The following MYRFL variants were observed in gnomAD, a reference collection of about 807,000 sequenced individuals.
The protein encoded by MYRFL is myelin regulatory factor-like protein.
A neutral mutation model predicts 109.4 loss-of-function variants in MYRFL; 88 were observed. The ratio of observed to expected loss-of-function variants is 0.80; its 90% CI spans 0.68 to 0.96. The LOEUF is 0.96. Ranked by LOEUF, MYRFL falls within the 40% of genes least tolerant of loss-of-function variation. The pLI is 0.00. For missense variants in MYRFL, 957 were observed against 954.9 expected (o/e 1.00, Z -0.03); for synonymous variants, 324 against 320.9 (o/e 1.01, Z -0.10).
intron 2 of MYRFL, among the ~76,000 whole-genome samples, chr12:69,877,357 C>G (rs954913387): frequency 6.6e-6 from 1 of 152,130 alleles, no homozygotes; most frequent in Non-Finnish European, 1.5e-5. Context: ...TCAACCAATC[C>G]TTTTGTTTTC....
intron 6 of MYRFL, among the ~76,000 whole-genome samples, chr12:69,888,093 C>A (rs930213592): frequency 5.3e-5 from 8 of 152,192 alleles, no homozygotes; most frequent in Non-Finnish European, 1.0e-4. Context: ...TAAGTGTTAT[C>A]CCTCTTCTTA....
At chr12:69,901,903 A>ATTTTTTTTTTTT (rs1203678206) in intron 10 of MYRFL, among the ~76,000 whole-genome samples, 5 of 137,580 alleles carry the variant, frequency 3.6e-5, no homozygotes, top group South Asian at 2.3e-4. Flanking sequence ...GTTTTTTTTA[A>ATTTTTTTTTTTT]ATTTTCTTGA....
rs1489190181 is a variant in MYRFL at position 69,926,729 on chromosome 12, A to C, written c.1761A>C (p.Thr587=). ...AGTCATCAGCCAGTGAAGCAAGCAC[A>C]ATCAGGTACGTGCAGCCAGGATTGC... ...SWKSSASEAS[T]ISKSSRAVSA... Residue 587 remains threonine, a synonymous_variant, in exon 14 of 25, where the codon ACA becomes ACC. Coordinates refer to ENST00000552032, the MANE Select transcript of MYRFL (RefSeq NM_182530.3). The C allele has an allele frequency of 6.7e-7, 1 of 1,488,384 alleles. No individual in the cohort carries two copies. Among genetic ancestry groups the C allele is most frequent in the South Asian group, 1.3e-5 (1 of 75,112 alleles). The allele number at this position is 1,488,384 out of a possible 1,614,324, so 92.2% of individuals were successfully genotyped here. A position where few individuals can be genotyped will look rare whatever the true frequency, so the allele number is the denominator to read the frequency against.
In MYRFL at chr12:69,879,401, C is replaced by T. The variant is rs1435965876; in HGVS notation, c.412C>T (p.His138Tyr). ...ATPLDQSVSSHLGIGCSYPQQ... is the reference protein window; with the variant it reads ...ATPLDQSVSSYLGIGCSYPQQ... ...CCCCCTGGACCAATCCGTGTCCTCCCATCTGGGGATAGGTTGTTCTTACCC... is the reference window on the plus strand; with the variant it reads ...CCCCCTGGACCAATCCGTGTCCTCCTATCTGGGGATAGGTTGTTCTTACCC... Residue 138 changes from histidine to tyrosine, a missense_variant, in exon 4 of 25, where the codon CAT (histidine) becomes TAT (tyrosine). Physicochemically the swap from His to Tyr is moderately conservative, Grantham distance 83. Transcript: ENST00000552032. The T allele has an allele frequency of 2.8e-6, 2 of 702,904 alleles. No homozygotes were observed. Among genetic ancestry groups the T allele is most frequent in the African/African-American group, 1.7e-5 (1 of 57,392 alleles). The allele number at this position is 702,904 out of a possible 1,614,324, so 43.5% of individuals were successfully genotyped here.
chr12:69,952,334 A>C (rs1337960426), intron 20 of MYRFL, 159 bp downstream of exon 20: 6 of 647,366 alleles, frequency 9.3e-6, no homozygotes, highest in Non-Finnish European at 1.6e-5. Flanking sequence ...TGCCACCCTA[A>C]CCACTAATGA....
intron 16 of MYRFL, among the ~76,000 whole-genome samples, chr12:69,934,348 T>A (rs1255179105): frequency 6.6e-6 from 1 of 152,186 alleles, no homozygotes; most frequent in Admixed American, 6.5e-5. Context: ...CCAAGGGGAA[T>A]GGGGCAGTGC....
chr12:69,846,192 G>A (rs1179813066), intron 1 of MYRFL, among the ~76,000 whole-genome samples: 1 of 94,858 alleles, frequency 1.1e-5, no homozygotes, highest in African/African-American at 4.0e-5. Context: ...TTGTTTGTTT[G>A]TTTATTATTA....
intron 13 of MYRFL, among the ~76,000 whole-genome samples, chr12:69,919,775 G>A (rs1338078485): frequency 6.6e-6 from 1 of 152,116 alleles, no homozygotes; most frequent in Non-Finnish European, 1.5e-5. Context: ...ATTACAAGCT[G>A]TTTTATTCCC....
At chr12:69,913,501 T>C (rs573365968) in intron 13 of MYRFL, among the ~76,000 whole-genome samples, 1 of 152,324 alleles carries the variant, frequency 6.6e-6, no homozygotes, top group South Asian at 2.1e-4. Flanking sequence ...TCCAGCTTCA[T>C]CCTTTTGTAT....
intron 22 of MYRFL, among the ~76,000 whole-genome samples, chr12:69,957,530 G>A (rs1028414844): frequency 2.0e-5 from 3 of 152,134 alleles, no homozygotes; most frequent in African/African-American, 7.2e-5. Flanking sequence ...GTTGGAACCA[G>A]CCTGGGCAAC....
At chr12:69,871,513 TG>T (rs893346037) in intron 2 of MYRFL, among the ~76,000 whole-genome samples, 12 of 152,200 alleles carry the variant, frequency 7.9e-5, no homozygotes, top group African/African-American at 2.9e-4. Context: ...ATTACAGGCG[TG>T]GGCCACCGCG....
intron 19 of MYRFL, among the ~76,000 whole-genome samples, chr12:69,948,745 T>C (rs1307935153): frequency 6.6e-6 from 1 of 152,228 alleles, no homozygotes; most frequent in African/African-American, 2.4e-5. Context: ...ACTCCTCATA[T>C]ATCAGGACCC....
chr12:69,922,589 TCC>T (rs1954948927), intron 13 of MYRFL, among the ~76,000 whole-genome samples: 3 of 152,182 alleles, frequency 2.0e-5, no homozygotes, highest in Non-Finnish European at 4.4e-5. Flanking sequence ...GCGACCCTCT[TCC>T]ACCAACTAGA....
intron 1 of MYRFL, among the ~76,000 whole-genome samples, chr12:69,851,411 T>C (rs1883868152): frequency 6.6e-6 from 1 of 152,228 alleles, no homozygotes. Context: ...TTTCAGTTTG[T>C]TTTTCATTTT....
At chr12:69,926,945 T>TTG in intron 14 of MYRFL, among the ~76,000 whole-genome samples, 3 of 136,226 alleles carry the variant, frequency 2.2e-5, no homozygotes, top group African/African-American at 8.1e-5. Flanking sequence ...TTTTTTTTTT[T>TTG]TTTTTTTTTT....
At chr12:69,872,803 C>T (rs1245475016) in intron 2 of MYRFL, among the ~76,000 whole-genome samples, 1 of 151,696 alleles carries the variant, frequency 6.6e-6, no homozygotes, top group African/African-American at 2.4e-5. Context: ...CTGGCCTTTA[C>T]ATTTTGTTTT....
At chr12:69,851,741 C>T (rs901127495) in intron 1 of MYRFL, among the ~76,000 whole-genome samples, 3 of 152,154 alleles carry the variant, frequency 2.0e-5, no homozygotes, top group African/African-American at 7.2e-5. Flanking sequence ...TCACTGTAGC[C>T]TCAACCTCCC....
chr12:69,949,553 C>T (rs377688748), intron 19 of MYRFL, among the ~76,000 whole-genome samples: 67 of 152,288 alleles, frequency 4.4e-4, no homozygotes, highest in Non-Finnish European at 7.1e-4. Flanking sequence ...GTCCAACCCG[C>T]GGCCCATGGG....
At chr12:69,898,981 G>A (rs1592784020) in intron 10 of MYRFL, among the ~76,000 whole-genome samples, 2 of 152,286 alleles carry the variant, frequency 1.3e-5, no homozygotes, top group East Asian at 1.9e-4. Flanking sequence ...GAAGTCGAAA[G>A]TTCCATGATT....
Sources: allele counts gnomAD v4.1 joint callset (sites outside exome capture counted in the v4.1 genomes callset), GRCh38; gene constraint gnomAD v4.1.1; transcripts MANE v1.5; gene names NCBI Gene and HGNC (gene_info 2026-07-23, HGNC 2026-07-21).